EPHA6: variants seen among roughly 807,000 people sequenced by gnomAD.
EPHA6 encodes the protein ephrin type-A receptor 6.
EPHA6 carries 50 observed loss-of-function variants against 112.0 expected under a neutral mutation model. The ratio of observed to expected loss-of-function variants is 0.45; its 90% CI spans 0.36 to 0.56. The LOEUF is 0.56. Among genes scored for constraint, EPHA6 ranks in the 20% least tolerant of loss-of-function variants. The pLI is 0.00. For synonymous variants in EPHA6, 529 were observed against 490.7 expected (o/e 1.08, Z -1.03); for missense variants, 1,280 against 1,417.4 (o/e 0.90, Z 1.56).
chr3:97,207,219 T>TA (rs998490742), intron 3 of EPHA6, among the ~76,000 whole-genome samples: 7 of 152,128 alleles, frequency 4.6e-5, no homozygotes, highest in African/African-American at 1.7e-4. Flanking sequence ...TGACTGAATA[T>TA]AAAAAAATTG....
chr3:97,121,629 C>T (rs879587392), intron 3 of EPHA6, among the ~76,000 whole-genome samples: 12 of 152,086 alleles, frequency 7.9e-5, no homozygotes, highest in Admixed American at 5.9e-4. Flanking sequence ...TGCTCAAAGG[C>T]AGACACTCAT....
chr3:97,441,109 A>C (rs1229014560), intron 6 of EPHA6, among the ~76,000 whole-genome samples: 1 of 151,994 alleles, frequency 6.6e-6, no homozygotes, highest in Non-Finnish European at 1.5e-5. Context: ...AAGTTTCACA[A>C]TCCGTTCTCT....
chr3:97,618,889 A>G (rs1179262449), intron 13 of EPHA6, among the ~76,000 whole-genome samples: 1 of 151,988 alleles, frequency 6.6e-6, no homozygotes, highest in Admixed American at 6.6e-5. Flanking sequence ...TTGAAAAGGA[A>G]GGACTCCACC....
intron 3 of EPHA6, among the ~76,000 whole-genome samples, chr3:97,140,153 G>GA (rs993586710): frequency 1.3e-5 from 2 of 151,232 alleles, no homozygotes; most frequent in African/African-American, 4.8e-5. Context: ...ATAAAAATTA[G>GA]AAAAAAATAT....
At chr3:97,261,911 T>C (rs1448387369) in intron 5 of EPHA6, among the ~76,000 whole-genome samples, 1 of 152,172 alleles carries the variant, frequency 6.6e-6, no homozygotes, top group Non-Finnish European at 1.5e-5. Context: ...AATTAGAATT[T>C]ATAAGCAAGA....
chr3:97,407,797 A>G (rs893242896), intron 6 of EPHA6, among the ~76,000 whole-genome samples: 7 of 151,898 alleles, frequency 4.6e-5, no homozygotes, highest in African/African-American at 4.8e-5. Flanking sequence ...CCATTCTTAT[A>G]ATGAGGGAAC....
intron 2 of EPHA6, among the ~76,000 whole-genome samples, chr3:96,868,193 A>AGAGTGT (rs151114450): frequency 1.1e-4 from 16 of 148,090 alleles, no homozygotes; most frequent in African/African-American, 3.9e-4. Context: ...AGAGAGACAG[A>AGAGTGT]GTGTGTGTGT....
intron 3 of EPHA6, among the ~76,000 whole-genome samples, chr3:97,211,639 C>G (rs947474055): frequency 6.6e-6 from 1 of 152,194 alleles, no homozygotes; most frequent in African/African-American, 2.4e-5. Flanking sequence ...CTTCCATCCT[C>G]ATGAGCTAAT....
chr3:97,711,017 T>C (rs1276064117), intron 14 of EPHA6, among the ~76,000 whole-genome samples: 3 of 152,242 alleles, frequency 2.0e-5, no homozygotes, highest in Non-Finnish European at 4.4e-5. Context: ...CAGTCAGCGA[T>C]ATGGTTTGGC....
chr3:96,991,199 T>A (rs916584013), intron 3 of EPHA6, among the ~76,000 whole-genome samples: 2 of 152,184 alleles, frequency 1.3e-5, no homozygotes, highest in Non-Finnish European at 2.9e-5. Flanking sequence ...CTTAATCACT[T>A]TCTTAAGTGG....
intron 3 of EPHA6, among the ~76,000 whole-genome samples, chr3:97,135,260 G>A (rs2075737650): frequency 6.6e-6 from 1 of 152,120 alleles, no homozygotes. Flanking sequence ...TACAAGCTGC[G>A]TGAACTTGAG....
intron 11 of EPHA6, among the ~76,000 whole-genome samples, chr3:97,568,097 G>A (rs889298602): frequency 6.6e-6 from 1 of 152,162 alleles, no homozygotes; most frequent in Non-Finnish European, 1.5e-5. Context: ...TCAAAGACTT[G>A]CTGTAAGCCT....
chr3:97,294,684 G>A (rs1415695460), intron 5 of EPHA6, among the ~76,000 whole-genome samples: 1 of 152,022 alleles, frequency 6.6e-6, no homozygotes, highest in Non-Finnish European at 1.5e-5. Flanking sequence ...CTTCATTTGT[G>A]TGATTGCTCT....
chr3:96,962,065 G>A (rs564599374), intron 2 of EPHA6, among the ~76,000 whole-genome samples: 7 of 152,234 alleles, frequency 4.6e-5, no homozygotes, highest in Admixed American at 4.6e-4. Flanking sequence ...TATTTGCTGA[G>A]GGCTTTTCCT....
chr3:97,085,197 G>A (rs989675516), intron 3 of EPHA6, among the ~76,000 whole-genome samples: 1 of 151,936 alleles, frequency 6.6e-6, no homozygotes, highest in East Asian at 1.9e-4. Flanking sequence ...TTATCAGAAG[G>A]TACCTTATAC....
chr3:97,220,417 T>C (rs1480949637), intron 3 of EPHA6, among the ~76,000 whole-genome samples: 1 of 152,224 alleles, frequency 6.6e-6, no homozygotes, highest in Non-Finnish European at 1.5e-5. Flanking sequence ...TCAATTTTCA[T>C]ACTACTATAA....
At chr3:96,816,751 T>C (rs1398598320) in intron 1 of EPHA6, among the ~76,000 whole-genome samples, 1 of 152,006 alleles carries the variant, frequency 6.6e-6, no homozygotes, top group Non-Finnish European at 1.5e-5. Flanking sequence ...GATATCTGAA[T>C]CTACAAATGA....
At chr3:97,248,905 G>A (rs190386182) in intron 5 of EPHA6, among the ~76,000 whole-genome samples, 11 of 152,190 alleles carry the variant, frequency 7.2e-5, no homozygotes, top group Admixed American at 7.2e-4. Flanking sequence ...TAAGTAATTA[G>A]GGATAGTGTA....
At chr3:96,829,938 T>TGCGC (rs368535487) in intron 1 of EPHA6, among the ~76,000 whole-genome samples, 11,985 of 119,806 alleles carry the variant, frequency 0.1, 686 homozygotes, top group African/African-American at 0.17. Flanking sequence ...CACGTGCATG[T>TGCGC]GCGCGCGCGC....
Sources: allele counts gnomAD v4.1 joint callset (sites outside exome capture counted in the v4.1 genomes callset), GRCh38; gene constraint gnomAD v4.1.1; transcripts MANE v1.5; gene names NCBI Gene and HGNC (gene_info 2026-07-23, HGNC 2026-07-21).